TNS3: variants seen among roughly 807,000 people sequenced by gnomAD.
TNS3 encodes the protein tensin-3.
Under a neutral mutation model 140.9 loss-of-function variants are expected in TNS3, and 45 were observed. That is an observed-to-expected ratio of 0.32 (90% confidence interval 0.25 to 0.41). The LOEUF is 0.41. TNS3 is among the 10% of genes least tolerant of loss of function. The pLI, the probability that TNS3 is intolerant of heterozygous loss-of-function variation, is 1.00. For synonymous variants in TNS3, 815 were observed against 788.4 expected (o/e 1.03, Z -0.56); for missense variants, 1,716 against 1,906.7 (o/e 0.90, Z 1.86).
chr7:47,414,878 C>T (rs1330080204), intron 11 of TNS3, among the ~76,000 whole-genome samples: 5 of 152,310 alleles, frequency 3.3e-5, no homozygotes, highest in Middle Eastern at 6.8e-3. Flanking sequence ...CCTTGCTGGC[C>T]GCCAGTCCCT....
At chr7:47,337,094 C>A (rs778667021) in intron 20 of TNS3, among the ~76,000 whole-genome samples, 1 of 152,182 alleles carries the variant, frequency 6.6e-6, no homozygotes, top group Non-Finnish European at 1.5e-5. Flanking sequence ...CTGTCTGTAG[C>A]AGAAACCGTG....
At chr7:47,296,376 C>T (rs1786026474) in intron 24 of TNS3, among the ~76,000 whole-genome samples, 1 of 152,088 alleles carries the variant, frequency 6.6e-6, no homozygotes, top group African/African-American at 2.4e-5. Flanking sequence ...AATAGTTCAG[C>T]CATTGTGGAA....
At chr7:47,391,360 C>T (rs1425180503) in intron 16 of TNS3, among the ~76,000 whole-genome samples, 1 of 152,182 alleles carries the variant, frequency 6.6e-6, no homozygotes, top group Non-Finnish European at 1.5e-5. Context: ...CTGCGCCCAC[C>T]CCAGCATCAG....
intron 15 of TNS3, among the ~76,000 whole-genome samples, chr7:47,399,276 A>G (rs1315669715): frequency 6.6e-6 from 1 of 152,138 alleles, no homozygotes; most frequent in East Asian, 1.9e-4. Flanking sequence ...GATTCAATGC[A>G]ATTCCTATCA....
chr7:47,369,759 C>A, intron 16 of TNS3, 138 bp from the exon 17 acceptor site: 1 of 1,033,996 alleles, frequency 9.7e-7, no homozygotes, highest in Non-Finnish European at 1.4e-6. Flanking sequence ...GACAAAGATT[C>A]CTCTAACATC....
chr7:47,344,869 G>T, intron 19 of TNS3, 31 bp from the exon 20 acceptor site: 1 of 1,613,562 alleles, frequency 6.2e-7, no homozygotes, highest in Non-Finnish European at 8.5e-7. Flanking sequence ...AGGGGCTGTT[G>T]TCACCCTCCT....
At chr7:47,294,162 T>C (rs1327769441) in intron 24 of TNS3, among the ~76,000 whole-genome samples, 2 of 150,042 alleles carry the variant, frequency 1.3e-5, no homozygotes, top group Non-Finnish European at 3.0e-5. Context: ...AGAAAGAGGA[T>C]CATGAATCTC....
chr7:47,382,087 C>G (rs1406362063), intron 16 of TNS3, among the ~76,000 whole-genome samples: 1 of 152,174 alleles, frequency 6.6e-6, no homozygotes, highest in Non-Finnish European at 1.5e-5. Context: ...ATCTTAAAAT[C>G]AGACCACTGC....
intron 18 of TNS3, 45 bp downstream of exon 18, chr7:47,346,142 G>A (rs1281946887): frequency 6.2e-7 from 1 of 1,602,468 alleles, no homozygotes; most frequent in Non-Finnish European, 8.5e-7. Flanking sequence ...GACAAGAAAG[G>A]GAGTGGAATG....
chr7:47,539,619 C>T (rs1799726346), intron 1 of TNS3: 1 of 169,352 alleles, frequency 5.9e-6, no homozygotes, highest in African/African-American at 2.4e-5. Flanking sequence ...GGCTGAAAAC[C>T]GCTGTCCTGG....
chr7:47,294,020 G>C (rs1042014584), intron 24 of TNS3, among the ~76,000 whole-genome samples, 192 bp from the exon 25 acceptor site: 2 of 152,216 alleles, frequency 1.3e-5, no homozygotes, highest in Non-Finnish European at 2.9e-5. Flanking sequence ...AGGACAGCTG[G>C]ATGAGCACAG....
intron 10 of TNS3, among the ~76,000 whole-genome samples, chr7:47,416,450 C>A (rs1794086209): frequency 6.6e-6 from 1 of 152,242 alleles, no homozygotes; most frequent in African/African-American, 2.4e-5. Flanking sequence ...TACTTATAGT[C>A]CACCCACTAG....
At chr7:47,532,387 T>C (rs918893542) in intron 1 of TNS3, among the ~76,000 whole-genome samples, 1 of 152,046 alleles carries the variant, frequency 6.6e-6, no homozygotes, top group Non-Finnish European at 1.5e-5. Flanking sequence ...CAAGGGCTTT[T>C]CCATGTTCAG....
intron 4 of TNS3, among the ~76,000 whole-genome samples, chr7:47,450,428 A>T (rs1226578628): frequency 1.3e-5 from 2 of 152,220 alleles, no homozygotes; most frequent in African/African-American, 4.8e-5. Flanking sequence ...ACACATGACT[A>T]TAAACTGTGG....
At chr7:47,430,861 C>A (rs1342886576) in intron 8 of TNS3, among the ~76,000 whole-genome samples, 1 of 152,016 alleles carries the variant, frequency 6.6e-6, no homozygotes, top group Non-Finnish European at 1.5e-5. Context: ...GCTGGGAATA[C>A]AGGTGCATGC....
chr7:47,370,049 A>G (rs1225576165), intron 16 of TNS3, among the ~76,000 whole-genome samples: 2 of 152,224 alleles, frequency 1.3e-5, no homozygotes, highest in Non-Finnish European at 2.9e-5. Flanking sequence ...TTTGTTGAGC[A>G]TCAGCTAGGT....
intron 4 of TNS3, among the ~76,000 whole-genome samples, chr7:47,464,268 C>T (rs7798679): frequency 0.66 from 99,744 of 152,092 alleles, 32,888 homozygotes; most frequent in Admixed American, 0.72. Context: ...GGCAAACACA[C>T]TGAGGACTCT....
chr7:47,571,079 C>T (rs1167145161), intron 1 of TNS3, among the ~76,000 whole-genome samples: 1 of 152,162 alleles, frequency 6.6e-6, no homozygotes, highest in Admixed American at 6.5e-5. Context: ...GTCAGTCTGT[C>T]TTGGGGGGCC....
intron 20 of TNS3, among the ~76,000 whole-genome samples, chr7:47,320,058 AAC>A (rs1467945058): frequency 1.3e-5 from 2 of 152,212 alleles, no homozygotes; most frequent in East Asian, 3.9e-4. Flanking sequence ...AGTAAATATA[AAC>A]AGAGACTCAG....
Sources: gnomAD v4.1 joint callset for allele counts (sites outside exome capture counted in the v4.1 genomes callset) on GRCh38, gnomAD v4.1.1 for gene constraint, MANE v1.5 for transcripts, NCBI Gene and HGNC (gene_info 2026-07-23, HGNC 2026-07-21) for gene names.